XRCC5: variants seen among roughly 807,000 people sequenced by gnomAD.
The protein encoded by XRCC5 is X-ray repair cross complementing 5.
A neutral mutation model predicts 95.7 loss-of-function variants in XRCC5; 12 were observed. The observed-to-expected ratio is 0.13, with a 90% confidence interval of 0.08 to 0.20. XRCC5 has a LOEUF of 0.20. XRCC5 is among the 10% of genes least tolerant of loss of function. The pLI is 1.00. For synonymous variants in XRCC5, 281 were observed against 290.3 expected, an observed-to-expected ratio of 0.97 and a Z score of 0.33; for missense variants, 595 against 873.9, an observed-to-expected ratio of 0.68 and a Z score of 4.02.
intron 14 of XRCC5, among the ~76,000 whole-genome samples, chr2:216,159,495 G>GT (rs930819780): frequency 1.7e-4 from 25 of 149,044 alleles, no homozygotes; most frequent in African/African-American, 2.2e-4. Context: ...TTTCGGGGAA[G>GT]TTTTTTTTTT....
intron 14 of XRCC5, among the ~76,000 whole-genome samples, chr2:216,149,284 C>G (rs1484215759): frequency 1.3e-5 from 2 of 152,044 alleles, no homozygotes; most frequent in African/African-American, 4.8e-5. Context: ...AACATCCAAG[C>G]TTTGTCAGAA....
At chr2:216,204,097 C>G in intron 19 of XRCC5, 1 of 540,936 alleles carries the variant, frequency 1.8e-6, no homozygotes, top group Non-Finnish European at 3.3e-6. Flanking sequence ...TGAGCACTTT[C>G]TCTGGTGATG....
intron 16 of XRCC5, 37 bp downstream of exon 16, chr2:216,162,085 A>C: frequency 1.9e-6 from 3 of 1,570,428 alleles, no homozygotes; most frequent in Non-Finnish European, 2.6e-6. Context: ...GAAGCTGTTT[A>C]GTTAAGCTAA....
At chr2:216,154,716 T>C (rs1412799372) in intron 14 of XRCC5, among the ~76,000 whole-genome samples, 1 of 152,218 alleles carries the variant, frequency 6.6e-6, no homozygotes, top group Non-Finnish European at 1.5e-5. Context: ...AGAAAAATGC[T>C]TTAACATACT....
At chr2:216,139,280 C>T (rs1697136926) in intron 12 of XRCC5, among the ~76,000 whole-genome samples, 1 of 150,978 alleles carries the variant, frequency 6.6e-6, no homozygotes, top group Admixed American at 6.6e-5. Context: ...AAAGACATAC[C>T]CGAGACTGGG....
In XRCC5 at chr2:216,140,678, A is replaced by G. The variant is rs969217682; in HGVS notation, c.1343-508A>G. Among the ~76,000 whole-genome samples the G allele has an allele frequency of 2.0e-5, 3 of 152,186 alleles. No homozygotes were observed. The East Asian group carries it at 5.8e-4, about 29-fold the overall frequency. On this transcript the variant is annotated intron_variant, in intron 12 of 20. Transcript: ENST00000392132. ...CTTATTCAGCCTCAGTAGATTGTGAAGGAATCAGCTCACCCTGATCCAATG... is the reference window on the plus strand; with the variant it reads ...CTTATTCAGCCTCAGTAGATTGTGAGGGAATCAGCTCACCCTGATCCAATG...
chr2:216,122,961 C>G (rs1224012784), intron 6 of XRCC5, among the ~76,000 whole-genome samples: 2 of 152,172 alleles, frequency 1.3e-5, no homozygotes, highest in Admixed American at 6.5e-5. Flanking sequence ...GACATACATG[C>G]ATTTTGAGCA....
intron 10 of XRCC5, among the ~76,000 whole-genome samples, chr2:216,133,894 C>A (rs1697030498): frequency 6.6e-6 from 1 of 152,108 alleles, no homozygotes; most frequent in South Asian, 2.1e-4. Flanking sequence ...TGTAGGTAGG[C>A]AGGGGTGTAG....
At chr2:216,130,223 GA>G (rs1402835868) in intron 8 of XRCC5, among the ~76,000 whole-genome samples, 1 of 142,372 alleles carries the variant, frequency 7.0e-6, no homozygotes, top group East Asian at 2.1e-4. Context: ...ATAGGCTACA[GA>G]ACAGGGCTGG....
intron 12 of XRCC5, 92 bp downstream of exon 12, chr2:216,138,271 T>C (rs936087765): frequency 9.2e-7 from 1 of 1,085,658 alleles, no homozygotes; most frequent in South Asian, 1.3e-5. Flanking sequence ...GGCTAGGTAT[T>C]TATAGGGTGC....
chr2:216,187,861 T>TCTCTCTCTCTCTCTCTCCCCCC (rs143232624), intron 16 of XRCC5, among the ~76,000 whole-genome samples: 5 of 116,286 alleles, frequency 4.3e-5, no homozygotes, highest in African/African-American at 2.1e-4. Context: ...TCTCTCTCTC[T>TCTCTCTCTCTCTCTCTCCCCCC]CCCCGTCTCC....
At chr2:216,203,848 C>CTTTTTTTT (rs56250537) in intron 19 of XRCC5, among the ~76,000 whole-genome samples, 2 of 118,770 alleles carry the variant, frequency 1.7e-5, no homozygotes, top group East Asian at 2.6e-4. Context: ...TTATTCTAAG[C>CTTTTTTTT]TTTTTTTTTT....
Position 216,148,121 on chromosome 2 carries a change from A to G in XRCC5, c.1515A>G (p.Leu505=), listed in dbSNP as rs568384883. 5 of 1,613,730 alleles carry G rather than the reference A, an allele frequency of 3.1e-6. No homozygotes were observed. Among genetic ancestry groups the G allele is most frequent in the Admixed American group, 3.3e-5 (2 of 59,914 alleles). Residue 505 remains leucine, a synonymous_variant, in exon 14 of 21, where the codon CTA becomes CTG. Transcript: ENST00000392132. ...GAGCTTTACATCCCCGGGAGCCTCT[A>G]CCCCCAATTCAGCAGCATATTTGGA... ...LHRALHPREP[L]PPIQQHIWNM...
At chr2:216,116,930 C>T in intron 3 of XRCC5, 88 bp downstream of exon 3, 1 of 1,439,714 alleles carries the variant, frequency 6.9e-7, no homozygotes, top group Non-Finnish European at 9.6e-7. Flanking sequence ...CCCAGAGTTT[C>T]AGCTATGAGT....
At chr2:216,114,898 C>T (rs41297750) in intron 2 of XRCC5, among the ~76,000 whole-genome samples, 2 of 152,308 alleles carry the variant, frequency 1.3e-5, no homozygotes, top group Non-Finnish European at 2.9e-5. Context: ...ATGCGGCCCC[C>T]TCTTAAGCAG....
Position 216,113,544 on chromosome 2 carries a change from G to A in XRCC5, c.135+415G>A, listed in dbSNP as rs148590841. Among the ~76,000 whole-genome samples, 82 of 152,296 alleles carry A rather than the reference G, an allele frequency of 5.4e-4. No homozygotes were observed. The South Asian group carries it at 0.012, about 22-fold the overall frequency. ...ACTACCCCAAAATGTAGTGTCTCAA[G>A]TAACATTTTAAAAATTCATCATTCA... On this transcript the variant is annotated intron_variant, in intron 2 of 20. Transcript: ENST00000392132.
chr2:216,141,588 C>T (rs1413568763), intron 13 of XRCC5, among the ~76,000 whole-genome samples: 3 of 94,980 alleles, frequency 3.2e-5, no homozygotes, highest in Non-Finnish European at 5.6e-5. Flanking sequence ...CTTACTTTAA[C>T]AAAAAAAATA....
At chr2:216,162,778 A>C (rs1688976621) in intron 16 of XRCC5, among the ~76,000 whole-genome samples, 1 of 152,190 alleles carries the variant, frequency 6.6e-6, no homozygotes, top group African/African-American at 2.4e-5. Context: ...AAAGACCTTG[A>C]TGCTGCCCCT....
chr2:216,195,800 T>C (rs1477763820), intron 19 of XRCC5, among the ~76,000 whole-genome samples: 2 of 152,210 alleles, frequency 1.3e-5, no homozygotes, highest in Non-Finnish European at 2.9e-5. Flanking sequence ...CAAAAGTATA[T>C]ACTTCGTAAC....
Sources: gnomAD v4.1 joint callset for allele counts (sites outside exome capture counted in the v4.1 genomes callset) on GRCh38, gnomAD v4.1.1 for gene constraint, MANE v1.5 for transcripts, NCBI Gene and HGNC (gene_info 2026-07-23, HGNC 2026-07-21) for gene names.